Variants in PHF21B observed in about 807,000 individuals in gnomAD.
PHF21B encodes the protein PHD finger protein 4.
A neutral mutation model predicts 62.2 loss-of-function variants in PHF21B; 22 were observed. That is an observed-to-expected ratio of 0.35 (90% CI 0.25 to 0.51). The LOEUF (loss-of-function observed/expected upper bound fraction) is 0.51. Ranked by LOEUF, PHF21B falls within the 20% of genes least tolerant of loss-of-function variation. PHF21B has a pLI of 0.97. For missense variants in PHF21B, 701 were observed against 707.9 expected (o/e 0.99, Z 0.11); for synonymous variants, 341 against 314.7 (o/e 1.08, Z -0.88).
At chr22:44,901,637 A>G in intron 5 of PHF21B, 1 of 478,600 alleles carries the variant, frequency 2.1e-6, no homozygotes, top group Non-Finnish European at 3.3e-6. Flanking sequence ...GAAGCCAAGA[A>G]GGCTGATGCT....
At chr22:44,924,380 A>G (rs1045215351) in intron 2 of PHF21B, among the ~76,000 whole-genome samples, 1 of 152,150 alleles carries the variant, frequency 6.6e-6, no homozygotes, top group Non-Finnish European at 1.5e-5. Flanking sequence ...TAAAAAGTTA[A>G]ACTTATGTAT....
At chr22:44,959,489 C>G (rs1347854108) in intron 2 of PHF21B, among the ~76,000 whole-genome samples, 1 of 152,158 alleles carries the variant, frequency 6.6e-6, no homozygotes, top group Non-Finnish European at 1.5e-5. Flanking sequence ...CTCAAGGCCC[C>G]AAGAAAAGTG....
At chr22:44,984,281 C>A (rs372189179) in intron 2 of PHF21B, among the ~76,000 whole-genome samples, 6 of 85,434 alleles carry the variant, frequency 7.0e-5, no homozygotes, top group Admixed American at 2.6e-4. Context: ...ACCACCACCA[C>A]CACCATCATC....
intron 2 of PHF21B, among the ~76,000 whole-genome samples, chr22:44,957,217 C>A (rs570304756): frequency 6.6e-6 from 1 of 152,252 alleles, no homozygotes; most frequent in Non-Finnish European, 1.5e-5. Context: ...AGGCTGAGAA[C>A]ACAGTTGCAC....
chr22:45,007,570 G>A (rs1037495470), intron 2 of PHF21B, among the ~76,000 whole-genome samples: 4 of 127,436 alleles, frequency 3.1e-5, no homozygotes, highest in African/African-American at 9.0e-5. Context: ...GCGAAGGAGG[G>A]AGGGAGGGGG....
intron 2 of PHF21B, among the ~76,000 whole-genome samples, chr22:45,007,225 C>A (rs1414819362): frequency 1.2e-4 from 5 of 42,660 alleles, no homozygotes; most frequent in East Asian, 2.6e-3. Context: ...CAAGCCCGGC[C>A]CCCCCCAAAA....
chr22:44,962,663 GGAACTCT>G (rs1188973181), intron 2 of PHF21B, among the ~76,000 whole-genome samples: 3 of 152,148 alleles, frequency 2.0e-5, no homozygotes, highest in Non-Finnish European at 4.4e-5. Context: ...ATTTCTCTGG[GGAACTCT>G]GACAAATACA....
At chr22:44,996,898 G>A (rs560121613) in intron 2 of PHF21B, among the ~76,000 whole-genome samples, 14 of 151,706 alleles carry the variant, frequency 9.2e-5, no homozygotes, top group South Asian at 2.1e-4. Context: ...ATACACAAAC[G>A]TGTGCACACA....
At chr22:44,917,975 C>T (rs956214271) in intron 3 of PHF21B, among the ~76,000 whole-genome samples, 22 of 152,264 alleles carry the variant, frequency 1.4e-4, no homozygotes, top group Admixed American at 3.3e-4. Context: ...CACATCAGGG[C>T]CCTGGCCACA....
At chr22:44,913,656 G>A (rs1284026721) in intron 5 of PHF21B, among the ~76,000 whole-genome samples, 166 bp downstream of exon 5, 1 of 152,214 alleles carries the variant, frequency 6.6e-6, no homozygotes, top group Non-Finnish European at 1.5e-5. Context: ...TTGAGACCTG[G>A]GCTTGCTTGG....
intron 2 of PHF21B, among the ~76,000 whole-genome samples, chr22:44,958,544 T>C (rs1311365890): frequency 6.6e-6 from 1 of 151,194 alleles, no homozygotes; most frequent in African/African-American, 2.4e-5. Flanking sequence ...TCCATTAGCG[T>C]CCTATTCTAC....
rs2070891685 is a variant in PHF21B, at chr22:44,888,045, C to G, written c.1115G>C (p.Gly372Ala). 1 of 1,555,446 alleles carries G rather than the reference C, an allele frequency of 6.4e-7. No homozygotes were observed. Among genetic ancestry groups the G allele is most frequent in the African/African-American group, 1.4e-5 (1 of 73,762 alleles). Residue 372 changes from glycine (G) to alanine (A), a missense_variant, in exon 10 of 13, where the codon GGG becomes GCG. Gly to Ala is a moderately conservative substitution (Grantham distance 60). Transcript: ENST00000313237. ...ANLQPCGTCP[G>A]AYHLSCLEPP... ...CTCCAGGCAGCTGAGGTGGTAGGCC[C>G]CCGGGCAGGTGCCGCAGGGCTGCAG...
intron 2 of PHF21B, among the ~76,000 whole-genome samples, chr22:44,984,208 AT>A (rs2072903761): frequency 6.8e-6 from 1 of 148,130 alleles, no homozygotes. Context: ...CACTACCACC[AT>A]CATCACCACC....
At chr22:44,933,970 G>A (rs1417265585) in intron 2 of PHF21B, among the ~76,000 whole-genome samples, 2 of 152,240 alleles carry the variant, frequency 1.3e-5, no homozygotes, top group Non-Finnish European at 2.9e-5. Context: ...ATGCTCAGCA[G>A]TCGCTGCATT....
intron 2 of PHF21B, among the ~76,000 whole-genome samples, chr22:44,977,072 A>G (rs58375787): frequency 0.02 from 3,087 of 152,270 alleles, 99 homozygotes; most frequent in African/African-American, 0.07. Flanking sequence ...GTGAGCTGTG[A>G]TCATGTCACT....
intron 2 of PHF21B, among the ~76,000 whole-genome samples, chr22:44,950,322 CCT>C (rs1196407941): frequency 6.6e-6 from 1 of 152,216 alleles, no homozygotes; most frequent in African/African-American, 2.4e-5. Context: ...GCCTCAATAC[CCT>C]CTGTCGTTTC....
At chr22:44,982,080 C>A (rs1284795999) in intron 2 of PHF21B, among the ~76,000 whole-genome samples, 2 of 152,214 alleles carry the variant, frequency 1.3e-5, no homozygotes, top group Admixed American at 1.3e-4. Context: ...GTGGAAACAG[C>A]GCTGGGCTAG....
rs555031229 is a variant in PHF21B at position 44,916,032 on chromosome 22, T to C, written c.564+248A>G. Among the ~76,000 whole-genome samples the C allele has an allele frequency of 9.8e-5, 15 of 152,358 alleles. No homozygotes were observed. The East Asian group carries it at 1.3e-3, about 14-fold the overall frequency. ...ACTGGTATTAATTCATGCAGCCGTA[T>C]TGTCTCTGGATCGCATATTCATTCA... On this transcript the variant is annotated intron_variant, in intron 4 of 12. Coordinates refer to ENST00000313237, the MANE Select transcript of PHF21B (RefSeq NM_138415.5).
intron 3 of PHF21B, among the ~76,000 whole-genome samples, chr22:44,918,505 C>T (rs2071479072): frequency 6.6e-6 from 1 of 152,228 alleles, no homozygotes; most frequent in South Asian, 2.1e-4. Context: ...CTGTATGCAG[C>T]CCCAGGCCGG....
Sources: gnomAD v4.1 joint callset for allele counts (sites outside exome capture counted in the v4.1 genomes callset) on GRCh38, gnomAD v4.1.1 for gene constraint, MANE v1.5 for transcripts, NCBI Gene and HGNC (gene_info 2026-07-23, HGNC 2026-07-21) for gene names.